The following CCDC171 variants were observed in gnomAD, a reference collection of about 807,000 sequenced individuals.
CCDC171 encodes the protein coiled-coil domain containing 171, also known as coiled-coil domain-containing protein 171.
In CCDC171, 177 loss-of-function variants were observed where a neutral mutation model predicts 168.2. The observed-to-expected ratio is 1.05, with a 90% confidence interval of 0.93 to 1.19. The LOEUF is 1.19. CCDC171 is among the 50% of genes most tolerant of loss of function. The probability of loss-of-function intolerance (pLI) is 0.00; values close to 1 mark genes in which losing one functional copy is unlikely to be tolerated. For synonymous variants in CCDC171, 687 were observed against 540.8 expected (o/e 1.27, Z -3.75); for missense variants, 1,991 against 1,539.0 (o/e 1.29, Z -4.91).
At chr9:15,618,857 G>A (rs1296794972) in intron 6 of CCDC171, among the ~76,000 whole-genome samples, 2 of 151,738 alleles carry the variant, frequency 1.3e-5, no homozygotes, top group East Asian at 2.0e-4. Flanking sequence ...ACCAGTCCCA[G>A]TGAGATGAAC....
intron 6 of CCDC171, among the ~76,000 whole-genome samples, chr9:15,615,061 G>A (rs1218008616): frequency 6.6e-6 from 1 of 151,922 alleles, no homozygotes; most frequent in East Asian, 1.9e-4. Flanking sequence ...AAACTGACAA[G>A]GATAGAAGAA....
At chr9:15,789,128 A>T (rs1170526612) in intron 21 of CCDC171, among the ~76,000 whole-genome samples, 1 of 152,122 alleles carries the variant, frequency 6.6e-6, no homozygotes, top group Non-Finnish European at 1.5e-5. Flanking sequence ...AGCATCCCTA[A>T]TTTGAAAATC....
chr9:15,692,061 G>T (rs563490026), intron 10 of CCDC171, among the ~76,000 whole-genome samples: 1 of 152,176 alleles, frequency 6.6e-6, no homozygotes, highest in Non-Finnish European at 1.5e-5. Flanking sequence ...GCAACAACTT[G>T]CATGTATATC....
chr9:15,709,404 A>G (rs1052823681), intron 11 of CCDC171, among the ~76,000 whole-genome samples: 3 of 152,180 alleles, frequency 2.0e-5, no homozygotes, highest in African/African-American at 7.2e-5. Flanking sequence ...GAACACAGAT[A>G]AAATGCAGAG....
intron 21 of CCDC171, among the ~76,000 whole-genome samples, chr9:15,792,433 G>T (rs547049442): frequency 1.1e-4 from 17 of 152,266 alleles, no homozygotes; most frequent in Admixed American, 2.6e-4. Flanking sequence ...CCCCAACCTA[G>T]CAAGGCAGGC....
At chr9:15,574,524 C>G (rs1324585022) in intron 3 of CCDC171, among the ~76,000 whole-genome samples, 1 of 152,150 alleles carries the variant, frequency 6.6e-6, no homozygotes, top group African/African-American at 2.4e-5. Context: ...AGTGATCCAC[C>G]TGTCTCGACC....
chr9:16,070,441 C>T, the CCDC171 span, among the ~76,000 whole-genome samples: 1 of 152,216 alleles, frequency 6.6e-6, no homozygotes, highest in Non-Finnish European at 1.5e-5. Flanking sequence ...TCTCACATTA[C>T]GAGCTCCCTT....
chr9:15,929,940 T>C (rs1826316149), intron 25 of CCDC171, among the ~76,000 whole-genome samples: 1 of 151,782 alleles, frequency 6.6e-6, no homozygotes. Context: ...CATTGTTCAA[T>C]TGGCAGAAGA....
chr9:15,750,286 G>C (rs954591598), intron 18 of CCDC171, among the ~76,000 whole-genome samples: 6 of 152,048 alleles, frequency 3.9e-5, no homozygotes, highest in African/African-American at 1.4e-4. Flanking sequence ...TCGAATCTCT[G>C]AATAGACCAA....
chr9:16,014,123 A>C (rs1832950005), intron 3 of CCDC171, among the ~76,000 whole-genome samples: 1 of 152,246 alleles, frequency 6.6e-6, no homozygotes, highest in African/African-American at 2.4e-5. Context: ...CAGTCCTCTC[A>C]ACCCTTGCCA....
intron 6 of CCDC171, among the ~76,000 whole-genome samples, chr9:15,600,556 G>A (rs1270568014): frequency 6.6e-6 from 1 of 152,144 alleles, no homozygotes; most frequent in Non-Finnish European, 1.5e-5. Flanking sequence ...ACTCAGGGGT[G>A]CCTCCCAGTT....
chr9:15,601,749 T>G (rs895038918), intron 6 of CCDC171, among the ~76,000 whole-genome samples: 4 of 152,208 alleles, frequency 2.6e-5, no homozygotes, highest in Admixed American at 2.0e-4. Flanking sequence ...TACAGGATAT[T>G]TAAGTTGTTG....
At chr9:15,682,368 T>A (rs1450016302) in intron 10 of CCDC171, among the ~76,000 whole-genome samples, 2 of 152,028 alleles carry the variant, frequency 1.3e-5, no homozygotes, top group Non-Finnish European at 2.9e-5. Context: ...TATATAAATA[T>A]AAAACATAAT....
intron 1 of CCDC171, among the ~76,000 whole-genome samples, chr9:16,059,978 A>G (rs565629583): frequency 2.6e-4 from 40 of 152,334 alleles, no homozygotes; most frequent in African/African-American, 8.4e-4. Flanking sequence ...CTGCTGTGTG[A>G]AAAACAAATA....
intron 11 of CCDC171, among the ~76,000 whole-genome samples, chr9:15,706,248 C>CCTTCCTTCCTTCCTTG (rs1564253092): frequency 2.1e-4 from 20 of 94,486 alleles, no homozygotes; most frequent in African/African-American, 7.0e-4. Flanking sequence ...TTCCTTGCTT[C>CCTTCCTTCCTTCCTTG]CTTCCTTCCT....
At chr9:15,942,126 A>G (rs181255092) in intron 25 of CCDC171, among the ~76,000 whole-genome samples, 7 of 152,056 alleles carry the variant, frequency 4.6e-5, no homozygotes, top group African/African-American at 1.7e-4. Context: ...TAATTGTATC[A>G]TATTACAATT....
chr9:15,735,322 A>G (rs550272316), intron 16 of CCDC171, among the ~76,000 whole-genome samples: 1 of 152,322 alleles, frequency 6.6e-6, no homozygotes, highest in East Asian at 1.9e-4. Context: ...CCAGTGCCAC[A>G]TACCATTCCA....
chr9:15,589,121 A>G (rs970993576), intron 4 of CCDC171, among the ~76,000 whole-genome samples: 1 of 152,092 alleles, frequency 6.6e-6, no homozygotes, highest in Non-Finnish European at 1.5e-5. Context: ...TGGGGGGAAA[A>G]CACGTTTCCC....
At chr9:15,757,284 C>T (rs1018112409) in intron 18 of CCDC171, among the ~76,000 whole-genome samples, 22 of 152,082 alleles carry the variant, frequency 1.4e-4, no homozygotes, top group Admixed American at 1.4e-3. Context: ...CTGAGGTGGT[C>T]TCAGATGGAG....
Sources: gnomAD v4.1 joint callset for allele counts (sites outside exome capture counted in the v4.1 genomes callset) on GRCh38, gnomAD v4.1.1 for gene constraint, MANE v1.5 for transcripts, NCBI Gene and HGNC (gene_info 2026-07-23, HGNC 2026-07-21) for gene names.